The following KIF21A variants were observed in gnomAD, a reference collection of about 807,000 sequenced individuals.
KIF21A encodes kinesin-like protein KIF21A.
A neutral mutation model predicts 202.9 loss-of-function variants in KIF21A; 114 were observed. That is an observed-to-expected ratio of 0.56 (90% confidence interval 0.48 to 0.66). The LOEUF (loss-of-function observed/expected upper bound fraction) is 0.66, where lower values mean the gene tolerates loss of function less well. Among genes scored for constraint, KIF21A ranks in the 30% least tolerant of loss-of-function variants. The pLI, the probability that KIF21A is intolerant of heterozygous loss-of-function variation, is 0.00. For missense variants in KIF21A, 1,677 were observed against 1,994.9 expected, an observed-to-expected ratio of 0.84 and a Z score of 3.04; for synonymous variants, 667 against 670.8, an observed-to-expected ratio of 0.99 and a Z score of 0.09.
intron 1 of KIF21A, among the ~76,000 whole-genome samples, chr12:39,404,467 T>A (rs1258894998): frequency 3.3e-5 from 5 of 152,360 alleles, no homozygotes; most frequent in Admixed American, 3.3e-4. Context: ...TTTGGGGTAT[T>A]CATTTCACTA....
intron 1 of KIF21A, among the ~76,000 whole-genome samples, chr12:39,385,135 T>C (rs187975475): frequency 7.9e-5 from 12 of 152,270 alleles, no homozygotes; most frequent in Admixed American, 2.0e-4. Flanking sequence ...GCAAGGATCA[T>C]TGGGTGTCAC....
rs144758121 is a variant in KIF21A at position 39,379,581 on chromosome 12, C to T, written c.45-9320G>A. ...ACCCTGGGAGACTGATGTCCATGGGCGTCAAAAATGGGCTCCCTTGCCCTC... is the reference window on the plus strand; with the variant it reads ...ACCCTGGGAGACTGATGTCCATGGGTGTCAAAAATGGGCTCCCTTGCCCTC... On this transcript the variant is annotated intron_variant, in intron 1 of 37. Transcript: ENST00000361418. 1.0e-3 allele frequency among the ~76,000 whole-genome samples: 158 copies of T among 152,234 alleles called. 1 individual carries two copies. The highest frequency in any genetic ancestry group is 3.5e-3 in the African/African-American group (147 of 41,516).
In KIF21A at chr12:39,355,707, T is replaced by TTATACATATATA. The variant is rs1555172725; in HGVS notation, c.1469+1124_1469+1125insTATATATGTATA. Among the ~76,000 whole-genome samples the TTATACATATATA allele has an allele frequency of 8.9e-5, 9 of 101,228 alleles. 1 individual carries two copies. The highest frequency in any genetic ancestry group is 4.4e-4 in the African/African-American group (9 of 20,628). 66.4% of individuals were successfully genotyped at this position (101,228 alleles called of 152,430 possible). A position where few individuals can be genotyped will look rare whatever the true frequency, so the allele number is the denominator to read the frequency against. On this transcript the variant is annotated intron_variant, in intron 10 of 37. Transcript: ENST00000361418. ...TACCAAAAACATGAAGCATGAACAA[T>TTATACATATATA]TATATATATATATATATATATATAT...
intron 37 of KIF21A, among the ~76,000 whole-genome samples, chr12:39,299,269 A>T (rs1466809833): frequency 6.6e-6 from 1 of 152,200 alleles, no homozygotes; most frequent in East Asian, 1.9e-4. Context: ...ATCAGGAAAA[A>T]AACGAAAAAC....
At chr12:39,388,991 G>A (rs1382526315) in intron 1 of KIF21A, among the ~76,000 whole-genome samples, 1 of 152,070 alleles carries the variant, frequency 6.6e-6, no homozygotes, top group Non-Finnish European at 1.5e-5. Context: ...CAATTTTAAT[G>A]TAACACTTCT....
intron 33 of KIF21A, among the ~76,000 whole-genome samples, chr12:39,308,727 T>A (rs1421935478): frequency 6.6e-6 from 1 of 152,122 alleles, no homozygotes; most frequent in Non-Finnish European, 1.5e-5. Flanking sequence ...CAAATTTAAC[T>A]TCAGTGATTC....
At chr12:39,378,626 T>A (rs1592429796) in intron 1 of KIF21A, among the ~76,000 whole-genome samples, 1 of 152,198 alleles carries the variant, frequency 6.6e-6, no homozygotes, top group Admixed American at 6.5e-5. Context: ...TGGTGGCCTA[T>A]TGATAATCCA....
intron 16 of KIF21A, 60 bp from the exon 17 acceptor site, chr12:39,337,263 A>C: frequency 9.6e-7 from 1 of 1,041,630 alleles, no homozygotes; most frequent in South Asian, 1.3e-5. Context: ...CATTAAATCA[A>C]CCACATATAT....
chr12:39,370,012 C>A (rs759370764), intron 2 of KIF21A, 27 bp downstream of exon 2: 1 of 1,601,170 alleles, frequency 6.2e-7, no homozygotes, highest in Non-Finnish European at 8.6e-7. Flanking sequence ...AAAGTTTCAA[C>A]TCCTATGAAA....
intron 24 of KIF21A, among the ~76,000 whole-genome samples, chr12:39,329,725 T>C (rs530353317): frequency 2.6e-5 from 4 of 152,270 alleles, no homozygotes; most frequent in African/African-American, 9.6e-5. Flanking sequence ...GCCTGACCAA[T>C]ATTGTTTCAA....
chr12:39,343,720 GT>G (rs1947645622), intron 12 of KIF21A, among the ~76,000 whole-genome samples: 1 of 152,078 alleles, frequency 6.6e-6, no homozygotes, highest in Non-Finnish European at 1.5e-5. Flanking sequence ...TTATGTTTAT[GT>G]TATTATTTAT....
chr12:39,329,702 A>G (rs1407904840), intron 24 of KIF21A, among the ~76,000 whole-genome samples: 1 of 152,202 alleles, frequency 6.6e-6, no homozygotes, highest in African/African-American at 2.4e-5. Context: ...TTATAATGCC[A>G]GGTACTTGAA....
In KIF21A at chr12:39,340,348, G is replaced by A. The variant is rs2138367657; in HGVS notation, c.2127C>T (p.Tyr709=). 1 of 1,606,900 alleles carries A rather than the reference G, an allele frequency of 6.2e-7. No individual in the cohort carries two copies. Among genetic ancestry groups the A allele is most frequent in the South Asian group, 1.1e-5 (1 of 90,438 alleles). Residue 709 remains tyrosine, a synonymous_variant, in exon 16 of 38, where the codon TAC becomes TAT. Coordinates refer to ENST00000361418, the MANE Select transcript of KIF21A (RefSeq NM_001173464.2). ...VLQNLGSVES[Y]SEEKAKKVRS... Reference sequence around the variant, plus strand: ...TAACTTTTTTTGCTTTTTCTTCTGAGTAAGATTCTACCGAGCCTAAATGAC... The same window carrying A: ...TAACTTTTTTTGCTTTTTCTTCTGAATAAGATTCTACCGAGCCTAAATGAC...
chr12:39,309,622 T>C lies in KIF21A; in HGVS notation c.4241A>G (p.Asp1414Gly). 6.2e-7 allele frequency: 1 copy of C among 1,612,770 alleles called. No homozygotes were observed. Among genetic ancestry groups the C allele is most frequent in the Non-Finnish European group, 8.5e-7 (1 of 1,179,486 alleles). The change falls in exon 33 of 38, where the codon GAT becomes GGT. Residue 1414 changes from aspartate to glycine, a missense_variant. Physicochemically the swap from Asp to Gly is moderately conservative, Grantham distance 94. This residue lies in a region of KIF21A where 705 missense variants were observed against 791.9 expected (regional missense o/e 0.89). Transcript: ENST00000361418. Reference protein sequence around the residue: ...TVSTSYIKVWDIRDSAKCIRT... With the variant: ...TVSTSYIKVWGIRDSAKCIRT... ...AATGCACTTTGCTGAATCTCTGATA[T>C]CCCACACCTTAATATAAGATGTTGA...
At chr12:39,426,881 T>TAAAAA (rs10718392) in intron 1 of KIF21A, among the ~76,000 whole-genome samples, 1 of 132,994 alleles carries the variant, frequency 7.5e-6, no homozygotes, top group African/African-American at 2.7e-5. Flanking sequence ...GAGACTCTGT[T>TAAAAA]AAAAAAAAAA....
At chr12:39,331,570 T>A (rs184459174) in intron 22 of KIF21A, 120 bp downstream of exon 22, 3 of 737,834 alleles carry the variant, frequency 4.1e-6, no homozygotes, top group Non-Finnish European at 7.4e-6. Context: ...AGAAATACTT[T>A]CCAATTATGA....
At position 39,442,313 on chromosome 12, in the gene KIF21A, C is replaced by A. The variant is rs1210987624; in HGVS notation, c.44+614G>T. ...TAAATTCCACTCCCATTCCAACACC[C>A]AAGAGGCTAGATCTGTCTCCTCTAC... On this transcript the variant is annotated intron_variant, in intron 1 of 37. Coordinates refer to ENST00000361418, the MANE Select transcript of KIF21A (RefSeq NM_001173464.2). The surrounding 1 kb of genome is among the most constrained non-coding windows in gnomAD (Gnocchi z 5.0). Among the ~76,000 whole-genome samples the A allele has an allele frequency of 6.6e-6, 1 of 152,118 alleles. No individual in the cohort carries two copies. The highest frequency in any genetic ancestry group is 6.5e-5 in the Admixed American group (1 of 15,282).
chr12:39,430,845 C>G (rs1265720884), intron 1 of KIF21A, among the ~76,000 whole-genome samples: 2 of 152,054 alleles, frequency 1.3e-5, no homozygotes, highest in East Asian at 3.9e-4. Flanking sequence ...CATGATGAAA[C>G]TAGTGGCTTT....
At chr12:39,309,827 A>G in intron 32 of KIF21A, 61 bp from the exon 33 acceptor site, 5 of 1,324,808 alleles carry the variant, frequency 3.8e-6, no homozygotes, top group Non-Finnish European at 5.3e-6. Flanking sequence ...AGGTTCTCTT[A>G]ACAATAAAAA....
Sources: allele counts gnomAD v4.1 joint callset (sites outside exome capture counted in the v4.1 genomes callset), GRCh38; gene constraint gnomAD v4.1.1; regional missense constraint gnomAD v4.1.1; non-coding constraint Gnocchi (gnomAD v3.1); transcripts MANE v1.5; gene names NCBI Gene and HGNC (gene_info 2026-07-23, HGNC 2026-07-21).